The following LDB2 variants were observed in gnomAD, a reference collection of about 807,000 sequenced individuals.
LDB2 encodes LIM domain binding 2, also known as LIM domain-binding protein 2.
Under a neutral mutation model 44.3 loss-of-function variants are expected in LDB2, and 12 were observed. That is an observed-to-expected ratio of 0.27 (90% confidence interval 0.17 to 0.44). The LOEUF (loss-of-function observed/expected upper bound fraction) is 0.44, where lower values mean the gene tolerates loss of function less well. Among genes scored for constraint, LDB2 ranks in the 20% least tolerant of loss-of-function variants. LDB2 has a pLI of 1.00. For missense variants in LDB2, 344 were observed against 473.5 expected, an observed-to-expected ratio of 0.73 and a Z score of 2.54; for synonymous variants, 164 against 174.8, an observed-to-expected ratio of 0.94 and a Z score of 0.49.
At chr4:16,857,422 A>G (rs748748545) in intron 1 of LDB2, among the ~76,000 whole-genome samples, 4 of 152,194 alleles carry the variant, frequency 2.6e-5, no homozygotes, top group Non-Finnish European at 4.4e-5. Flanking sequence ...ACCATACATG[A>G]TCTTCATAGC....
intron 1 of LDB2, among the ~76,000 whole-genome samples, chr4:16,869,115 T>C (rs1715667273): frequency 1.3e-5 from 2 of 152,168 alleles, no homozygotes; most frequent in African/African-American, 4.8e-5. Flanking sequence ...TCAACAATGC[T>C]ATGAGGTGGG....
At chr4:16,632,535 C>T (rs565537546) in intron 2 of LDB2, among the ~76,000 whole-genome samples, 25 of 152,282 alleles carry the variant, frequency 1.6e-4, no homozygotes, top group East Asian at 1.2e-3. Flanking sequence ...ACGAGGATGT[C>T]GTCTCTCACC....
chr4:16,639,200 T>A (rs1176480919), intron 2 of LDB2, among the ~76,000 whole-genome samples: 1 of 152,238 alleles, frequency 6.6e-6, no homozygotes, highest in Admixed American at 6.5e-5. Flanking sequence ...GTAAAATGTT[T>A]CTGATGTTGT....
At chr4:16,749,566 A>AAT (rs1554000404) in intron 2 of LDB2, among the ~76,000 whole-genome samples, 4 of 136,280 alleles carry the variant, frequency 2.9e-5, no homozygotes, top group African/African-American at 5.9e-5. Context: ...CTCAAAAAAA[A>AAT]AAAAAATAAA....
At chr4:16,854,537 A>ACT (rs1788941016) in intron 1 of LDB2, among the ~76,000 whole-genome samples, 1 of 147,658 alleles carries the variant, frequency 6.8e-6, no homozygotes, top group South Asian at 2.2e-4. Context: ...ACACACACAC[A>ACT]GGTGAAATAT....
At chr4:16,770,828 T>C (rs533214043) in intron 1 of LDB2, among the ~76,000 whole-genome samples, 2 of 152,274 alleles carry the variant, frequency 1.3e-5, no homozygotes, top group Admixed American at 1.3e-4. Context: ...AAAGCCACTT[T>C]GAAAATGACG....
At chr4:16,846,331 T>C (rs1047501907) in intron 1 of LDB2, among the ~76,000 whole-genome samples, 14 of 152,148 alleles carry the variant, frequency 9.2e-5, no homozygotes, top group Non-Finnish European at 1.8e-4. Flanking sequence ...CTTTAATAAT[T>C]TCAAATACCA....
At chr4:16,814,608 A>AG in intron 1 of LDB2, among the ~76,000 whole-genome samples, 1 of 152,232 alleles carries the variant, frequency 6.6e-6, no homozygotes, top group Non-Finnish European at 1.5e-5. Flanking sequence ...CTGCAACTTA[A>AG]GAGCCCTAGC....
intron 1 of LDB2, among the ~76,000 whole-genome samples, chr4:16,881,785 C>CT (rs1441469800): frequency 6.6e-6 from 1 of 152,028 alleles, no homozygotes; most frequent in Non-Finnish European, 1.5e-5. Context: ...AAAAGCTGCT[C>CT]TTTTTTTCTT....
chr4:16,703,225 T>G (rs1331061679), intron 2 of LDB2, among the ~76,000 whole-genome samples: 1 of 152,190 alleles, frequency 6.6e-6, no homozygotes, highest in Non-Finnish European at 1.5e-5. Context: ...GGCAGCTATA[T>G]GAAATTGGGA....
chr4:16,631,813 C>T (rs946430884), intron 2 of LDB2, among the ~76,000 whole-genome samples: 25 of 152,228 alleles, frequency 1.6e-4, no homozygotes, highest in Admixed American at 6.5e-4. Context: ...AACACCTCTA[C>T]GCAAATGAAC....
At chr4:16,878,385 C>G (rs1048610269) in intron 1 of LDB2, among the ~76,000 whole-genome samples, 12 of 152,162 alleles carry the variant, frequency 7.9e-5, no homozygotes, top group African/African-American at 1.9e-4. Flanking sequence ...GGCTGGAGAC[C>G]ACTTATACTC....
chr4:16,868,869 CAAT>C (rs1442201216), intron 1 of LDB2, among the ~76,000 whole-genome samples: 1 of 151,920 alleles, frequency 6.6e-6, no homozygotes, highest in Non-Finnish European at 1.5e-5. Flanking sequence ...ATGCTGTTGA[CAAT>C]GATTTTGGTG....
chr4:16,577,419 T>A (rs1712122701), intron 5 of LDB2, among the ~76,000 whole-genome samples: 1 of 152,160 alleles, frequency 6.6e-6, no homozygotes. Flanking sequence ...GTCCCACTTT[T>A]CTATGCCAAC....
chr4:16,658,356 G>A (rs1249711422), intron 2 of LDB2, among the ~76,000 whole-genome samples: 1 of 152,140 alleles, frequency 6.6e-6, no homozygotes, highest in Non-Finnish European at 1.5e-5. Flanking sequence ...GCATCCTTGA[G>A]GCCTCTCTTA....
At chr4:16,721,361 A>T (rs2152682855) in intron 2 of LDB2, among the ~76,000 whole-genome samples, 1 of 152,252 alleles carries the variant, frequency 6.6e-6, no homozygotes, top group East Asian at 1.9e-4. Context: ...TCTGGTCTTT[A>T]AATTCTGTGT....
In LDB2 at chr4:16,702,705, G is replaced by A. The variant is rs370762832; in HGVS notation, c.235+56453C>T. Among the ~76,000 whole-genome samples the A allele has an allele frequency of 2.6e-4, 40 of 152,238 alleles. No individual in the cohort carries two copies. In the South Asian group the frequency reaches 8.3e-3, roughly 32 times the overall value. Reference sequence around the variant, plus strand: ...CATGCATCCTGTTGGTCTGCATGGGGATGCATGAGTGAAGCTCAGTCCCAC... The same window carrying A: ...CATGCATCCTGTTGGTCTGCATGGGAATGCATGAGTGAAGCTCAGTCCCAC... On this transcript the variant is annotated intron_variant, in intron 2 of 7. Transcript: ENST00000304523.
At chr4:16,680,813 T>A (rs1305497261) in intron 2 of LDB2, among the ~76,000 whole-genome samples, 2 of 152,192 alleles carry the variant, frequency 1.3e-5, no homozygotes, top group Non-Finnish European at 2.9e-5. Flanking sequence ...AGAACCCTCC[T>A]ACAATGCAAC....
intron 2 of LDB2, among the ~76,000 whole-genome samples, chr4:16,738,601 A>G (rs1762362879): frequency 6.6e-6 from 1 of 152,238 alleles, no homozygotes; most frequent in African/African-American, 2.4e-5. Flanking sequence ...ATGTATGTCA[A>G]ATGTGAAGAG....
Sources: gnomAD v4.1 joint callset for allele counts (sites outside exome capture counted in the v4.1 genomes callset) on GRCh38, gnomAD v4.1.1 for gene constraint, MANE v1.5 for transcripts, NCBI Gene and HGNC (gene_info 2026-07-23, HGNC 2026-07-21) for gene names.